Variants in DCC observed in about 807,000 individuals in gnomAD.
DCC encodes the protein DCC netrin 1 receptor.
DCC carries 58 observed loss-of-function variants against 172.5 expected under a neutral mutation model. The observed-to-expected ratio is 0.34, with a 90% CI of 0.27 to 0.42. DCC has a LOEUF of 0.42. Ranked by LOEUF, DCC falls within the 10% of genes least tolerant of loss-of-function variation. DCC has a pLI of 1.00. For synonymous variants in DCC, 709 were observed against 644.5 expected, an observed-to-expected ratio of 1.10 and a Z score of -1.52; for missense variants, 1,740 against 1,791.0, an observed-to-expected ratio of 0.97 and a Z score of 0.51.
chr18:52,503,749 C>T (rs1156784179), intron 1 of DCC, among the ~76,000 whole-genome samples: 1 of 152,064 alleles, frequency 6.6e-6, no homozygotes, highest in Non-Finnish European at 1.5e-5. Context: ...ACCAAGAGAA[C>T]CCTCTTGTTT....
intron 1 of DCC, among the ~76,000 whole-genome samples, chr18:52,577,246 T>C (rs189278893): frequency 6.6e-6 from 1 of 152,352 alleles, no homozygotes; most frequent in East Asian, 1.9e-4. Flanking sequence ...CATTTTAATT[T>C]TTGCTAATCT....
At chr18:52,954,917 G>T (rs2040716911) in intron 5 of DCC, among the ~76,000 whole-genome samples, 1 of 152,068 alleles carries the variant, frequency 6.6e-6, no homozygotes. Flanking sequence ...AACAGGTTTA[G>T]GTTCACAGCA....
chr18:52,733,099 C>G (rs996134655), intron 1 of DCC, among the ~76,000 whole-genome samples: 1 of 152,102 alleles, frequency 6.6e-6, no homozygotes, highest in Non-Finnish European at 1.5e-5. Context: ...ACACATTTAT[C>G]CATGTCAAAG....
intron 2 of DCC, among the ~76,000 whole-genome samples, chr18:52,881,572 A>C (rs75015333): frequency 0.085 from 12,945 of 152,152 alleles, 919 homozygotes; most frequent in East Asian, 0.3. Flanking sequence ...ATGAATATCC[A>C]GTTTCCCACC....
chr18:53,527,213 T>C (rs527743731), intron 28 of DCC, among the ~76,000 whole-genome samples: 97 of 151,800 alleles, frequency 6.4e-4, no homozygotes, highest in African/African-American at 2.2e-3. Context: ...TTCCTTTTTT[T>C]TTTTTATTTT....
intron 2 of DCC, among the ~76,000 whole-genome samples, chr18:52,824,799 C>T (rs1893571): frequency 0.48 from 73,175 of 151,776 alleles, 21,089 homozygotes; most frequent in Non-Finnish European, 0.65. Context: ...AGCGAAACCC[C>T]GTCTCTACTA....
intron 8 of DCC, among the ~76,000 whole-genome samples, chr18:53,174,861 G>A (rs1312515313): frequency 6.6e-6 from 1 of 152,072 alleles, no homozygotes; most frequent in East Asian, 1.9e-4. Flanking sequence ...AAGCCAGGCA[G>A]AGACACAACA....
intron 2 of DCC, among the ~76,000 whole-genome samples, chr18:52,763,537 T>C (rs568905356): frequency 2.0e-5 from 3 of 152,310 alleles, no homozygotes; most frequent in South Asian, 2.1e-4. Flanking sequence ...GTTTGGAATA[T>C]GTAATTGCAG....
chr18:52,927,383 G>A (rs1250565466), intron 5 of DCC, among the ~76,000 whole-genome samples: 1 of 151,426 alleles, frequency 6.6e-6, no homozygotes, highest in Non-Finnish European at 1.5e-5. Flanking sequence ...ATCCAAAGAT[G>A]CACAAGAAAA....
intron 23 of DCC, among the ~76,000 whole-genome samples, chr18:53,454,401 T>C (rs2045457898): frequency 6.6e-6 from 1 of 152,172 alleles, no homozygotes; most frequent in Admixed American, 6.6e-5. Context: ...TCTCTGTTTT[T>C]TAATAAGGCA....
At chr18:53,292,514 C>A (rs2057017844) in intron 12 of DCC, among the ~76,000 whole-genome samples, 1 of 152,174 alleles carries the variant, frequency 6.6e-6, no homozygotes, top group African/African-American at 2.4e-5. Context: ...TGGCAAAACC[C>A]TGTCTCCACT....
chr18:53,442,262 A>G (rs1373281517), intron 22 of DCC, among the ~76,000 whole-genome samples: 1 of 152,206 alleles, frequency 6.6e-6, no homozygotes, highest in Non-Finnish European at 1.5e-5. Context: ...GTGCAAGACT[A>G]TTGGCAACAT....
intron 5 of DCC, among the ~76,000 whole-genome samples, chr18:53,014,315 G>T (rs1157948706): frequency 6.6e-6 from 1 of 151,882 alleles, no homozygotes; most frequent in Non-Finnish European, 1.5e-5. Context: ...AAGTTTTAGG[G>T]TACATGTGCA....
At position 53,506,912 on chromosome 18, in the gene DCC, T is replaced by C. The variant is rs1288744249; in HGVS notation, c.4111+7402T>C. 1.3e-5 allele frequency among the ~76,000 whole-genome samples: 2 copies of C among 150,042 alleles called. 1 individual carries two copies. Among genetic ancestry groups the C allele is most frequent in the Non-Finnish European group, 3.0e-5 (2 of 67,622 alleles). On this transcript the variant is annotated intron_variant, in intron 27 of 28. Transcript: ENST00000442544. Reference sequence around the variant, plus strand: ...GTGGATCAGTGGAAGTCAGTCAGAGTCCTAAGGACTAGTCTCTCCATCATG... The same window carrying C: ...GTGGATCAGTGGAAGTCAGTCAGAGCCCTAAGGACTAGTCTCTCCATCATG...
intron 12 of DCC, among the ~76,000 whole-genome samples, chr18:53,245,180 T>C (rs1450387955): frequency 1.3e-5 from 2 of 152,292 alleles, no homozygotes; most frequent in Non-Finnish European, 2.9e-5. Flanking sequence ...AGCTGAAACC[T>C]GTGAAGTTAT....
At chr18:53,488,413 A>G (rs1383683713) in intron 26 of DCC, among the ~76,000 whole-genome samples, 1 of 152,170 alleles carries the variant, frequency 6.6e-6, no homozygotes, top group Non-Finnish European at 1.5e-5. Flanking sequence ...AATGACCTTT[A>G]TCGGGTTTCT....
chr18:52,528,021 A>G (rs2032035268), intron 1 of DCC, among the ~76,000 whole-genome samples: 1 of 152,214 alleles, frequency 6.6e-6, no homozygotes, highest in Admixed American at 6.5e-5. Flanking sequence ...TCTAAGCTCT[A>G]AAATATTCTT....
intron 1 of DCC, among the ~76,000 whole-genome samples, chr18:52,715,527 G>A (rs934212460): frequency 1.3e-5 from 2 of 152,022 alleles, no homozygotes; most frequent in African/African-American, 4.8e-5. Context: ...CTGGTCTCAA[G>A]CTCCTTACCT....
intron 5 of DCC, among the ~76,000 whole-genome samples, chr18:52,960,943 GGCTCTTTAGAGA>G (rs2040832461): frequency 6.6e-6 from 1 of 152,010 alleles, no homozygotes; most frequent in African/African-American, 2.4e-5. Context: ...GAATTTTGAT[GGCTCTTTAGAGA>G]GCCGTACAAT....
Sources: gnomAD v4.1 joint callset for allele counts (sites outside exome capture counted in the v4.1 genomes callset) on GRCh38, gnomAD v4.1.1 for gene constraint, MANE v1.5 for transcripts, NCBI Gene and HGNC (gene_info 2026-07-23, HGNC 2026-07-21) for gene names.